KLK15: variants seen among roughly 807,000 people sequenced by gnomAD.
KLK15 encodes the protein kallikrein-15.
In KLK15, 19 loss-of-function variants were observed where a neutral mutation model predicts 21.1. That is an observed-to-expected ratio of 0.90 (90% CI 0.63 to 1.32). The LOEUF (loss-of-function observed/expected upper bound fraction) is 1.32, where lower values mean the gene tolerates loss of function less well. Among genes scored for constraint, KLK15 ranks in the 40% most tolerant of loss-of-function variants. KLK15 has a pLI of 0.00. For missense variants in KLK15, 345 were observed against 348.6 expected (o/e 0.99, Z 0.08); for synonymous variants, 141 against 141.5 (o/e 1.00, Z 0.03).
intron 1 of KLK15, among the ~76,000 whole-genome samples, chr19:50,828,966 T>A (rs2089933309): frequency 4.4e-5 from 3 of 68,616 alleles, no homozygotes; most frequent in South Asian, 5.1e-4. Context: ...TGAAACTCCA[T>A]CTCAAAAAAA....
upstream of KLK15, among the ~76,000 whole-genome samples, chr19:50,832,332 T>C (rs1343974063): frequency 6.8e-6 from 1 of 147,620 alleles, no homozygotes; most frequent in Non-Finnish European, 1.5e-5. Context: ...CTTTTTTTTT[T>C]TTTTTTTTGA....
intron 1 of KLK15, among the ~76,000 whole-genome samples, chr19:50,830,160 T>TACACAC (rs58238482): frequency 0.043 from 6,265 of 147,326 alleles, 285 homozygotes; most frequent in Admixed American, 0.088. Context: ...CACGTGCATG[T>TACACAC]ACACACACAC....
At chr19:50,832,852 T>TG (rs1322843267), upstream of KLK15, among the ~76,000 whole-genome samples, 1 of 152,180 alleles carries the variant, frequency 6.6e-6, no homozygotes, top group Non-Finnish European at 1.5e-5. Flanking sequence ...CCTACGAGAC[T>TG]GGCAGCTCCC....
At chr19:50,828,802 T>G (rs1463777907) in intron 1 of KLK15, among the ~76,000 whole-genome samples, 1 of 150,754 alleles carries the variant, frequency 6.6e-6, no homozygotes, top group African/African-American at 2.4e-5. Flanking sequence ...ACCCTGTCTC[T>G]AACAAAAATA....
intron 4 of KLK15, 111 bp from the exon 6 acceptor site, chr19:50,826,059 A>G: frequency 9.0e-7 from 1 of 1,117,284 alleles, no homozygotes; most frequent in Non-Finnish European, 1.3e-6. Flanking sequence ...ATCCCAGGGA[A>G]CCCCAACCCA....
At chr19:50,827,567 A>G (rs2089905763) in intron 2 of KLK15, 95 bp downstream of exon 3, 1 of 1,323,296 alleles carries the variant, frequency 7.6e-7, no homozygotes, top group Non-Finnish European at 1.0e-6. Context: ...TTCAGAACCC[A>G]GGAGTTCTGG....
chr19:50,826,778 G>C, intron 3 of KLK15, 21 bp from the exon 5 acceptor site: 6 of 1,601,158 alleles, frequency 3.7e-6, no homozygotes, highest in Non-Finnish European at 5.1e-6. Context: ...CAGTGGACTT[G>C]GAGCAGATCC....
exon 3 of KLK15, chr19:50,826,936 A>G: frequency 6.3e-7 from 1 of 1,593,444 alleles, no homozygotes; most frequent in Non-Finnish European, 8.6e-7. Flanking sequence ...GGCCCCAGCC[A>G]GACACCACAC....
chr19:50,828,582 T>A (rs886994039), intron 1 of KLK15, among the ~76,000 whole-genome samples: 2 of 151,664 alleles, frequency 1.3e-5, no homozygotes, highest in African/African-American at 4.8e-5. Flanking sequence ...TGGACATGCA[T>A]ACATGCACAT....
At chr19:50,826,131 C>A (rs1417458940) in intron 4 of KLK15, 183 bp from the exon 6 acceptor site, 24 of 591,692 alleles carry the variant, frequency 4.1e-5, no homozygotes, top group South Asian at 2.2e-5. Flanking sequence ...ACCCCAACCC[C>A]AATTCAACAC....
At chr19:50,826,250 A>C in intron 4 of KLK15, 1 of 460,460 alleles carries the variant, frequency 2.2e-6, no homozygotes, top group East Asian at 3.5e-5. Flanking sequence ...ATTCAAAATC[A>C]AATCAAACCC....
chr19:50,827,607 G>A, intron 2 of KLK15, 55 bp downstream of exon 3: 3 of 1,564,578 alleles, frequency 1.9e-6, no homozygotes, highest in Non-Finnish European at 1.7e-6. Context: ...CCAAATCTAG[G>A]AGCTCTTCCC....
rs2089982205 is a variant in KLK15 at position 50,831,361 on chromosome 19, G to T, written c.43+89C>A. ...GGATCTTTAGTGGTCTCTGGGTGAG[G>T]TAGGGGCTGGCAGATCACTGGGCCC... On this transcript the variant is annotated intron_variant, in intron 1 of 4. Coordinates refer to ENST00000598239, the Ensembl canonical transcript of KLK15. The T allele has an allele frequency of 7.4e-6, 7 of 950,846 alleles. No homozygotes were observed. The East Asian group carries it at 2.3e-4, about 31-fold the overall frequency. 58.9% of individuals were successfully genotyped at this position (950,846 alleles called of 1,614,324 possible).
chr19:50,827,712 A>C (rs2089908952), exon 2 of KLK15: 2 of 1,611,080 alleles, frequency 1.2e-6, no homozygotes, highest in South Asian at 1.1e-5. Flanking sequence ...AGATGAGGGA[A>C]GCGCCACAGT....
chr19:50,826,984 C>T (rs145457913), exon 3 of KLK15: 3 of 1,606,282 alleles, frequency 1.9e-6, no homozygotes, highest in Non-Finnish European at 2.5e-6. Flanking sequence ...TGGGTAGCAC[C>T]GCGGGGCGCA....
chr19:50,826,923 C>G (rs1261836540), exon 3 of KLK15: 1 of 1,584,108 alleles, frequency 6.3e-7, no homozygotes, highest in East Asian at 2.2e-5. Flanking sequence ...TTGTGGGACA[C>G]CAGGCCCCAG....
chr19:50,828,913 G>A (rs1435291911), intron 1 of KLK15, among the ~76,000 whole-genome samples: 1 of 143,030 alleles, frequency 7.0e-6, no homozygotes, highest in Non-Finnish European at 1.5e-5. Flanking sequence ...AGATTGCAGT[G>A]AGCGGAGGTT....
chr19:50,827,696 G>A (rs2089908539), exon 2 of KLK15: 1 of 1,611,270 alleles, frequency 6.2e-7, no homozygotes, highest in Middle Eastern at 1.7e-4. Flanking sequence ...AGCACCCAGT[G>A]TGGGGAGATG....
chr19:50,829,477 C>T (rs1244092562), intron 1 of KLK15, among the ~76,000 whole-genome samples: 4 of 151,608 alleles, frequency 2.6e-5, no homozygotes, highest in African/African-American at 9.7e-5. Context: ...CAGACATCTG[C>T]ACAGAATTAC....
Sources: allele counts gnomAD v4.1 joint callset (sites outside exome capture counted in the v4.1 genomes callset), GRCh38; gene constraint gnomAD v4.1.1; transcripts MANE v1.5; gene names NCBI Gene and HGNC (gene_info 2026-07-23, HGNC 2026-07-21).